TBL1XR1: variants seen among roughly 807,000 people sequenced by gnomAD.
TBL1XR1 encodes TBL1X/Y related 1, also known as F-box-like/WD repeat-containing protein TBL1XR1.
TBL1XR1 carries 5 observed loss-of-function variants against 66.9 expected under a neutral mutation model. The ratio of observed to expected loss-of-function variants is 0.07; its 90% CI spans 0.04 to 0.16. The LOEUF (loss-of-function observed/expected upper bound fraction) is 0.16. Ranked by LOEUF, TBL1XR1 falls within the 10% of genes least tolerant of loss-of-function variation. TBL1XR1 has a pLI of 1.00. For missense variants in TBL1XR1, 238 were observed against 623.2 expected (o/e 0.38, Z 6.58); for synonymous variants, 210 against 206.0 (o/e 1.02, Z -0.17).
upstream of TBL1XR1, among the ~76,000 whole-genome samples, chr3:177,198,667 C>G (rs1267085755): frequency 6.6e-6 from 1 of 152,048 alleles, no homozygotes. Flanking sequence ...AAGCAGCCAC[C>G]CTTTTACATT....
chr3:177,072,007 C>A (rs931284861), intron 2 of TBL1XR1, among the ~76,000 whole-genome samples: 13 of 152,288 alleles, frequency 8.5e-5, no homozygotes, highest in Non-Finnish European at 2.9e-5. Context: ...CACACTGAGG[C>A]CCTACCGTGT....
chr3:177,167,585 C>T (rs757169500), intron 1 of TBL1XR1, among the ~76,000 whole-genome samples: 2 of 152,116 alleles, frequency 1.3e-5, no homozygotes, highest in Non-Finnish European at 2.9e-5. Context: ...TATGGAAAAC[C>T]TCTGTGTCTT....
chr3:177,048,137 G>A (rs887184325), intron 7 of TBL1XR1, among the ~76,000 whole-genome samples: 2 of 152,120 alleles, frequency 1.3e-5, no homozygotes, highest in African/African-American at 4.8e-5. Flanking sequence ...AAAAGAGCCA[G>A]AAAAGAGCAC....
chr3:177,100,671 C>G (rs1724089261), intron 1 of TBL1XR1, among the ~76,000 whole-genome samples: 1 of 152,168 alleles, frequency 6.6e-6, no homozygotes, highest in African/African-American at 2.4e-5. Flanking sequence ...GTGATCCACA[C>G]GTCTCCAACT....
chr3:177,125,594 T>C (rs555087696), intron 1 of TBL1XR1, among the ~76,000 whole-genome samples: 24 of 152,242 alleles, frequency 1.6e-4, no homozygotes, highest in Non-Finnish European at 2.6e-4. Context: ...GAATGAAAAA[T>C]ATACATCAGG....
intron 3 of TBL1XR1, among the ~76,000 whole-genome samples, chr3:177,060,750 CTG>C (rs1718416662): frequency 6.6e-6 from 1 of 152,216 alleles, no homozygotes; most frequent in Admixed American, 6.5e-5. Flanking sequence ...AAAATTAACA[CTG>C]TATCAGGTTC....
At chr3:177,098,964 C>G (rs1723846642) in intron 1 of TBL1XR1, among the ~76,000 whole-genome samples, 1 of 152,108 alleles carries the variant, frequency 6.6e-6, no homozygotes. Flanking sequence ...CAATTTCAAT[C>G]AAAACTTATT....
At chr3:177,193,555 C>T (rs749868822) in intron 1 of TBL1XR1, among the ~76,000 whole-genome samples, 34 of 152,168 alleles carry the variant, frequency 2.2e-4, no homozygotes, top group Non-Finnish European at 4.4e-4. Flanking sequence ...GTGATCCGCC[C>T]GCCTTGGCCT....
chr3:177,113,532 T>C (rs1725918161), intron 1 of TBL1XR1, among the ~76,000 whole-genome samples: 2 of 152,128 alleles, frequency 1.3e-5, no homozygotes, highest in South Asian at 2.1e-4. Context: ...TAACCTAATA[T>C]TTAAAATCGG....
intron 2 of TBL1XR1, among the ~76,000 whole-genome samples, chr3:177,089,098 G>GT (rs1346570675): frequency 7.9e-5 from 12 of 152,164 alleles, no homozygotes; most frequent in African/African-American, 2.7e-4. Context: ...ACTTCTTTCA[G>GT]TTTTTTAAGA....
chr3:177,174,649 GAATCTCC>G (rs1442070194), intron 1 of TBL1XR1, among the ~76,000 whole-genome samples: 4 of 152,058 alleles, frequency 2.6e-5, no homozygotes, highest in African/African-American at 9.7e-5. Context: ...ACTCTCTTAT[GAATCTCC>G]AATTGCATTT....
chr3:177,039,517 T>TA (rs1715279694), intron 10 of TBL1XR1, among the ~76,000 whole-genome samples: 3 of 152,224 alleles, frequency 2.0e-5, no homozygotes, highest in Admixed American at 6.5e-5. Flanking sequence ...AAATGCCCCT[T>TA]AAAATCAATG....
intron 1 of TBL1XR1, among the ~76,000 whole-genome samples, chr3:177,150,025 T>C (rs1384685174): frequency 2.0e-5 from 3 of 152,254 alleles, no homozygotes; most frequent in Admixed American, 6.5e-5. Flanking sequence ...ACATGCCATA[T>C]GTAGCATACT....
chr3:177,201,436 A>G (rs530852548), upstream of TBL1XR1, among the ~76,000 whole-genome samples: 8 of 150,236 alleles, frequency 5.3e-5, no homozygotes, highest in East Asian at 1.4e-3. Flanking sequence ...AAAAAAAAAA[A>G]CAAATCCTGA....
At chr3:177,028,918 G>A (rs572433773) in intron 14 of TBL1XR1, among the ~76,000 whole-genome samples, 44 of 152,082 alleles carry the variant, frequency 2.9e-4, no homozygotes, top group Non-Finnish European at 4.9e-4. Context: ...ATATGAAACC[G>A]GCATTATGAA....
chr3:177,188,382 T>C (rs1376683570), intron 1 of TBL1XR1, among the ~76,000 whole-genome samples: 1 of 151,978 alleles, frequency 6.6e-6, no homozygotes, highest in Non-Finnish European at 1.5e-5. Flanking sequence ...ACTCCATCTC[T>C]ACTAAAAATA....
chr3:177,151,107 C>A (rs772378203), intron 1 of TBL1XR1, among the ~76,000 whole-genome samples: 1 of 152,146 alleles, frequency 6.6e-6, no homozygotes, highest in Non-Finnish European at 1.5e-5. Flanking sequence ...ATAGATAGCA[C>A]CGCTGTGGTG....
chr3:177,061,890 G>A (rs564443822), intron 3 of TBL1XR1, among the ~76,000 whole-genome samples: 3 of 152,150 alleles, frequency 2.0e-5, no homozygotes, highest in Non-Finnish European at 4.4e-5. Context: ...CCACATTTAA[G>A]TATAATTGGA....
intron 3 of TBL1XR1, among the ~76,000 whole-genome samples, chr3:177,055,211 C>T (rs1334943278): frequency 6.6e-6 from 1 of 151,992 alleles, no homozygotes; most frequent in Non-Finnish European, 1.5e-5. Context: ...TTTTGTGCTT[C>T]CACTCTTATA....
Sources: gnomAD v4.1 joint callset for allele counts (sites outside exome capture counted in the v4.1 genomes callset) on GRCh38, gnomAD v4.1.1 for gene constraint, MANE v1.5 for transcripts, NCBI Gene and HGNC (gene_info 2026-07-23, HGNC 2026-07-21) for gene names.